IPO8: variants seen among roughly 807,000 people sequenced by gnomAD.
IPO8 encodes the protein importin 8.
IPO8 carries 65 observed loss-of-function variants against 141.2 expected under a neutral mutation model. The observed-to-expected ratio is 0.46, with a 90% CI of 0.38 to 0.57. The LOEUF (loss-of-function observed/expected upper bound fraction) is 0.57, where lower values mean the gene tolerates loss of function less well. IPO8 is among the 20% of genes least tolerant of loss of function. IPO8 has a pLI of 0.00. For missense variants in IPO8, 980 were observed against 1,246.8 expected (o/e 0.79, Z 3.22); for synonymous variants, 411 against 420.3 (o/e 0.98, Z 0.27).
Position 30,653,085 on chromosome 12 carries a change from A to G in IPO8, c.1956T>C (p.Tyr652=), listed in dbSNP as rs369927900. Reference sequence around the variant, plus strand: ...TGTATGCCAGGGAAAGAATTTCTTCATAGAATTCTAGAAGAAAGAAAATCT... The same window carrying G: ...TGTATGCCAGGGAAAGAATTTCTTCGTAGAATTCTAGAAGAAAGAAAATCT... ...LVLQKHVIEF[Y]EEILSLAYSL... The change falls in exon 18 of 25, where the codon TAT becomes TAC. Residue 652 remains tyrosine, a synonymous_variant. Transcript: ENST00000256079. The G allele has an allele frequency of 6.2e-7, 1 of 1,606,698 alleles. No homozygotes were observed. Among genetic ancestry groups the G allele is most frequent in the Non-Finnish European group, 8.5e-7 (1 of 1,177,396 alleles).
intron 6 of IPO8, among the ~76,000 whole-genome samples, chr12:30,675,701 G>T (rs7315859): frequency 1.3e-5 from 2 of 150,772 alleles, no homozygotes; most frequent in Non-Finnish European, 3.0e-5. Context: ...AAAATTAGCC[G>T]GGCGTGGTGG....
At position 30,630,155 on chromosome 12, in the gene IPO8, A is replaced by T. The variant is rs1045987679; in HGVS notation, c.*705T>A. 6.6e-6 allele frequency: 1 copy of T among 152,166 alleles called. No homozygotes were observed. Among genetic ancestry groups the T allele is most frequent in the Non-Finnish European group, 1.5e-5 (1 of 68,034 alleles). 9.4% of individuals were successfully genotyped at this position (152,166 alleles called of 1,614,324 possible). ...CTGATATGTGTATTTGTTGACCCCA[A>T]AAGAAATACCACCCCTTTTCAAGGC... On this transcript the variant is annotated 3_prime_UTR_variant, in exon 25 of 25. Transcript: ENST00000256079.
chr12:30,649,070 A>G, intron 20 of IPO8, 67 bp downstream of exon 20: 1 of 993,122 alleles, frequency 1.0e-6, no homozygotes. Flanking sequence ...ATATAAATGA[A>G]AAGTCAAGCA....
At chr12:30,671,397 G>A (rs1439591360) in intron 8 of IPO8, among the ~76,000 whole-genome samples, 4 of 152,120 alleles carry the variant, frequency 2.6e-5, no homozygotes, top group Non-Finnish European at 1.5e-5. Context: ...ACAGGAGCCG[G>A]GCACGGTGGC....
chr12:30,639,825 A>T lies in IPO8; in HGVS notation c.2269-90T>A, dbSNP rs376937154. 6 of 866,910 alleles carry T rather than the reference A, an allele frequency of 6.9e-6. No individual in the cohort carries two copies. The African/African-American group carries it at 8.3e-5, about 12-fold the overall frequency. The allele number at this position is 866,910 out of a possible 1,614,324, so 53.7% of individuals were successfully genotyped here. A position where few individuals can be genotyped will look rare whatever the true frequency, so the allele number is the denominator to read the frequency against. Reference sequence around the variant, plus strand: ...TATTGGCAGAGCATTCTCAATAAATAAGACAGTCTTAATGGCAATGAGACT... The same window carrying T: ...TATTGGCAGAGCATTCTCAATAAATTAGACAGTCTTAATGGCAATGAGACT... On this transcript the variant is annotated intron_variant, in intron 20 of 24. Coordinates refer to ENST00000256079, the MANE Select transcript of IPO8 (RefSeq NM_006390.4).
At chr12:30,642,398 A>G (rs1000397962) in intron 20 of IPO8, among the ~76,000 whole-genome samples, 9 of 152,132 alleles carry the variant, frequency 5.9e-5, no homozygotes, top group Admixed American at 2.6e-4. Context: ...CAATATATCC[A>G]TGTAACAAAC....
chr12:30,695,435 G>A lies in IPO8; in HGVS notation c.84+129C>T, dbSNP rs1377401741. On this transcript the variant is annotated intron_variant, in intron 1 of 24. Transcript: ENST00000256079. This position sits in a 1 kb window ranked among gnomAD's most constrained non-coding sequence, Gnocchi z 4.2. ...CGGGGGGCAGCGGGGTCGGAGAGCGGGACCAGCCGTGAGGCGTCAGCCCCA... is the reference window on the plus strand; with the variant it reads ...CGGGGGGCAGCGGGGTCGGAGAGCGAGACCAGCCGTGAGGCGTCAGCCCCA... 2.7e-6 allele frequency: 2 copies of A among 730,052 alleles called. No individual in the cohort carries two copies. The highest frequency in any genetic ancestry group is 4.6e-6 in the Non-Finnish European group (2 of 433,694). 45.2% of individuals were successfully genotyped at this position (730,052 alleles called of 1,614,324 possible).
rs573113657 is a variant in IPO8 at position 30,681,848 on chromosome 12, T to A, written c.324-31A>T. The A allele has an allele frequency of 3.2e-6, 5 of 1,560,898 alleles. No individual in the cohort carries two copies. In the East Asian group the frequency reaches 9.0e-5, roughly 28 times the overall value. The stretch of plus-strand genomic sequence containing the variant: ...AAGTAGGGAAGAAAAGTCCAAAATC[T>A]AAGTAATTATAAATACTGTGTTTCA... On this transcript the variant is annotated intron_variant, in intron 3 of 24. Coordinates refer to ENST00000256079, the MANE Select transcript of IPO8 (RefSeq NM_006390.4).
At chr12:30,675,865 A>C (rs1264020477) in intron 6 of IPO8, among the ~76,000 whole-genome samples, 1 of 151,598 alleles carries the variant, frequency 6.6e-6, no homozygotes, top group African/African-American at 2.4e-5. Flanking sequence ...AAAGGAAAAG[A>C]AAAGAAAAAA....
chr12:30,679,637 G>C (rs1055904816), intron 5 of IPO8, among the ~76,000 whole-genome samples: 1 of 151,500 alleles, frequency 6.6e-6, no homozygotes, highest in Non-Finnish European at 1.5e-5. Flanking sequence ...TTTAAAAGGG[G>C]AAGCTTTAAT....
At position 30,637,040 on chromosome 12, in the gene IPO8, T is replaced by C. The variant is rs1591950509; in HGVS notation, c.2637A>G (p.Arg879=). ...AACGATCTTCCCGGTTTACCAGTTG[T>C]CTAGTAGCACAGACCTGCTTTAGGC... is the stretch of plus-strand genomic sequence containing the variant. The part of the protein sequence containing the change: ...FLGLKQVCAT[R]QLVNREDRSK... The change falls in exon 22 of 25, where the codon AGA becomes AGG. Residue 879 remains arginine (R), a synonymous_variant. Transcript: ENST00000256079. The C allele has an allele frequency of 6.2e-7, 1 of 1,614,104 alleles. No homozygotes were observed. The highest frequency in any genetic ancestry group is 2.2e-5 in the East Asian group (1 of 44,874).
At chr12:30,676,470 A>G in intron 6 of IPO8, 28 bp downstream of exon 6, 3 of 1,537,942 alleles carry the variant, frequency 2.0e-6, no homozygotes, top group Non-Finnish European at 9.0e-7. Context: ...CGTTTCCCCT[A>G]TTTTTCTTGG....
rs888241549 is a variant in IPO8, at chr12:30,634,150, C to T, written c.2832G>A (p.Gly944=). The part of the protein sequence containing the change: ...EEVLEETALE[G]FSTPLDLDNS... ...TGTCAAGGTCAAGTGGAGTACTGAACCCCTCAAGCGCGGTTTCTTCCAATA... is the reference window on the plus strand; with the variant it reads ...TGTCAAGGTCAAGTGGAGTACTGAATCCCTCAAGCGCGGTTTCTTCCAATA... Residue 944 remains glycine (G), a synonymous_variant, in exon 23 of 25, where the codon GGG becomes GGA. Transcript: ENST00000256079. 2 of 1,613,862 alleles carry T rather than the reference C, an allele frequency of 1.2e-6. No homozygotes were observed. Among genetic ancestry groups the T allele is most frequent in the Non-Finnish European group, 1.7e-6 (2 of 1,179,928 alleles).
Position 30,676,497 on chromosome 12 carries a change from C to T in IPO8, c.729+1G>A. 6.2e-7 allele frequency: 1 copy of T among 1,609,072 alleles called. No individual in the cohort carries two copies. On this transcript the variant is annotated splice_donor_variant, in intron 6 of 24. Coordinates refer to ENST00000256079, the MANE Select transcript of IPO8 (RefSeq NM_006390.4). LOFTEE classifies it high-confidence loss of function. ...TTTTCTTGGGAAAAGCTTTTTCTTA[C>T]AGGAGGAACGGTCCTGTCGATAATA... is the stretch of plus-strand genomic sequence containing the variant.
chr12:30,658,876 C>CTTTTTT (rs11337753), intron 16 of IPO8, among the ~76,000 whole-genome samples: 2 of 90,204 alleles, frequency 2.2e-5, no homozygotes, highest in African/African-American at 4.7e-5. Context: ...AGTATCAAGC[C>CTTTTTT]TTTTTTTTTT....
chr12:30,647,339 A>T (rs1355558847), intron 20 of IPO8, among the ~76,000 whole-genome samples: 1 of 152,176 alleles, frequency 6.6e-6, no homozygotes, highest in Non-Finnish European at 1.5e-5. Context: ...ATAAGAAAAA[A>T]ACTATAAAAC....
At chr12:30,662,250 T>C in intron 15 of IPO8, 77 bp downstream of exon 15, 2 of 1,175,842 alleles carry the variant, frequency 1.7e-6, no homozygotes, top group South Asian at 2.8e-5. Flanking sequence ...CAAATAAAAC[T>C]GAACTCCATA....
At chr12:30,693,902 G>GC (rs1452188196) in intron 1 of IPO8, among the ~76,000 whole-genome samples, 1 of 152,094 alleles carries the variant, frequency 6.6e-6, no homozygotes, top group Non-Finnish European at 1.5e-5. Flanking sequence ...CCCTGAACGT[G>GC]CCTGCTTTTG....
rs138295752 is a variant in IPO8, at chr12:30,645,133, G to T, written c.2268+4004C>A. On this transcript the variant is annotated intron_variant, in intron 20 of 24. Coordinates refer to ENST00000256079, the MANE Select transcript of IPO8 (RefSeq NM_006390.4). ...TCACGCCTGTAATCCCAGCACTTTG[G>T]GGGGCTGAGGCTGGTGATCACCTGA... is the stretch of plus-strand genomic sequence containing the variant. Among the ~76,000 whole-genome samples the T allele has an allele frequency of 2.6e-5, 4 of 151,786 alleles. No homozygotes were observed. The South Asian group carries it at 8.3e-4, about 32-fold the overall frequency.
Sources: allele counts gnomAD v4.1 joint callset (sites outside exome capture counted in the v4.1 genomes callset), GRCh38; gene constraint gnomAD v4.1.1; non-coding constraint Gnocchi (gnomAD v3.1); transcripts MANE v1.5; gene names NCBI Gene and HGNC (gene_info 2026-07-23, HGNC 2026-07-21).